The following MARCHF1 variants were observed in gnomAD, a reference collection of about 807,000 sequenced individuals.
MARCHF1 encodes membrane associated ring-CH-type finger 1.
A neutral mutation model predicts 54.2 loss-of-function variants in MARCHF1; 40 were observed. That is an observed-to-expected ratio of 0.74 (90% CI 0.57 to 0.96). The LOEUF is 0.96. Ranked by LOEUF, MARCHF1 falls within the 40% of genes least tolerant of loss-of-function variation. The pLI is 0.00. For missense variants in MARCHF1, 586 were observed against 656.5 expected, an observed-to-expected ratio of 0.89 and a Z score of 1.17; for synonymous variants, 236 against 236.3, an observed-to-expected ratio of 1.00 and a Z score of 0.01.
intron 8 of MARCHF1, 131 bp from the exon 9 acceptor site, chr4:163,545,874 T>C (rs1343111221): frequency 1.4e-6 from 1 of 739,608 alleles, no homozygotes; most frequent in Non-Finnish European, 2.3e-6. Flanking sequence ...GACACTGTAA[T>C]ATTCAAATAA....
intron 1 of MARCHF1, among the ~76,000 whole-genome samples, chr4:164,311,384 G>C (rs982392054): frequency 2.6e-5 from 4 of 152,134 alleles, no homozygotes; most frequent in Non-Finnish European, 5.9e-5. Flanking sequence ...ACTGGGTTTA[G>C]TTCCAAAATG....
At chr4:163,647,967 G>GT (rs1043717917) in intron 5 of MARCHF1, among the ~76,000 whole-genome samples, 4 of 151,304 alleles carry the variant, frequency 2.6e-5, no homozygotes, top group African/African-American at 7.3e-5. Flanking sequence ...TGAAGAGTTG[G>GT]TTTTTTAAAA....
chr4:163,847,748 C>A (rs12503576), intron 4 of MARCHF1, among the ~76,000 whole-genome samples: 124,293 of 151,380 alleles, frequency 0.82, 52,633 homozygotes, highest in Non-Finnish European at 0.95. Context: ...GCCTGGCTAA[C>A]TTTTTGTATT....
chr4:163,831,732 C>T (rs887074307), intron 4 of MARCHF1, among the ~76,000 whole-genome samples: 20 of 152,152 alleles, frequency 1.3e-4, no homozygotes, highest in Non-Finnish European at 1.5e-5. Flanking sequence ...CAATTCATGA[C>T]AACATTGGAA....
At chr4:164,370,957 T>C (rs993360333) in intron 1 of MARCHF1, among the ~76,000 whole-genome samples, 1 of 151,858 alleles carries the variant, frequency 6.6e-6, no homozygotes, top group Admixed American at 6.6e-5. Flanking sequence ...GACTCTAATA[T>C]GGCAAAGTTT....
intron 2 of MARCHF1, among the ~76,000 whole-genome samples, chr4:164,030,045 T>C (rs1753845777): frequency 6.6e-6 from 1 of 152,180 alleles, no homozygotes; most frequent in African/African-American, 2.4e-5. Context: ...GAAAACCAAT[T>C]AGCGGACAGC....
rs371053598 is a variant in MARCHF1, at chr4:164,247,545, C to T, written c.-322-135883G>A. Among the ~76,000 whole-genome samples the T allele has an allele frequency of 5.5e-5, 8 of 146,046 alleles. No homozygotes were observed. The East Asian group carries it at 6.1e-4, about 11-fold the overall frequency. On this transcript the variant is annotated intron_variant, in intron 1 of 9. Coordinates refer to ENST00000514618, the MANE Select transcript of MARCHF1 (RefSeq NM_001394959.1). The stretch of plus-strand genomic sequence containing the variant: ...GTGGGTGCAGTGCACCAGCATGGCA[C>T]ATGTATACATATGTAACTAACATGC...
At chr4:164,223,557 A>G (rs1013944408) in intron 1 of MARCHF1, among the ~76,000 whole-genome samples, 2 of 151,992 alleles carry the variant, frequency 1.3e-5, no homozygotes, top group African/African-American at 4.8e-5. Context: ...TAGTCAGAAG[A>G]TCCAAAGAGA....
chr4:163,737,248 G>T, intron 4 of MARCHF1, among the ~76,000 whole-genome samples: 2 of 59,078 alleles, frequency 3.4e-5, no homozygotes, highest in Non-Finnish European at 5.3e-5. Flanking sequence ...TAAGTTTTAG[G>T]GTACATGTGC....
intron 4 of MARCHF1, among the ~76,000 whole-genome samples, chr4:163,813,708 T>C (rs2111020774): frequency 6.6e-6 from 1 of 152,200 alleles, no homozygotes; most frequent in East Asian, 1.9e-4. Flanking sequence ...CTATACATCC[T>C]AGACACCAGT....
At position 163,854,112 on chromosome 4, in the gene MARCHF1, G is replaced by A. The variant is rs1334059476; in HGVS notation, c.20C>T (p.Ala7Val). MLGWCE[A>V]IARNPHRIPN... ...AATTCTGTGAGGGTTACGGGCTATC[G>A]CTTCACACCAGCCCAGCATTTTCTC... The change falls in exon 4 of 10, where the codon GCG (alanine) becomes GTG (valine). Residue 7 changes from alanine (A) to valine (V), a missense_variant. Physicochemically the swap from Ala to Val is moderately conservative, Grantham distance 64. Coordinates refer to ENST00000514618, the MANE Select transcript of MARCHF1 (RefSeq NM_001394959.1). 2.3e-5 allele frequency: 35 copies of A among 1,535,998 alleles called. No individual in the cohort carries two copies. The highest frequency in any genetic ancestry group is 3.6e-5 in the South Asian group (3 of 83,998).
chr4:163,801,724 C>G (rs763259301), intron 4 of MARCHF1, among the ~76,000 whole-genome samples: 1 of 152,076 alleles, frequency 6.6e-6, no homozygotes. Flanking sequence ...ACTTCCATCA[C>G]CTTCCGTTAA....
chr4:164,151,010 G>C lies in MARCHF1; in HGVS notation c.-322-39348C>G, dbSNP rs1287093535. On this transcript the variant is annotated intron_variant, in intron 1 of 9. Coordinates refer to ENST00000514618, the MANE Select transcript of MARCHF1 (RefSeq NM_001394959.1). ...GTCTCGACTGGCCATTGCTGGCTTG[G>C]AAGATGAAAGAAAATCACAGTCAAG... Among the ~76,000 whole-genome samples, 4 of 152,126 alleles carry C rather than the reference G, an allele frequency of 2.6e-5. No homozygotes were observed. In the East Asian group the frequency reaches 7.7e-4, roughly 29 times the overall value.
intron 3 of MARCHF1, among the ~76,000 whole-genome samples, chr4:163,970,151 T>G (rs1353468982): frequency 2.6e-5 from 4 of 152,194 alleles, no homozygotes; most frequent in African/African-American, 7.2e-5. Flanking sequence ...TGACATTTCT[T>G]TATAGTGTTA....
intron 5 of MARCHF1, among the ~76,000 whole-genome samples, chr4:163,614,669 TC>T (rs969632990): frequency 8.0e-4 from 122 of 152,084 alleles, no homozygotes; most frequent in African/African-American, 2.8e-3. Flanking sequence ...TAAATAATGG[TC>T]CCCCCAAATA....
At chr4:164,275,572 G>T (rs1198018520) in intron 1 of MARCHF1, among the ~76,000 whole-genome samples, 1 of 152,226 alleles carries the variant, frequency 6.6e-6, no homozygotes, top group Non-Finnish European at 1.5e-5. Context: ...AAATAACTGA[G>T]AAGTGAGAAG....
At chr4:163,591,796 A>G (rs1357254720) in intron 7 of MARCHF1, among the ~76,000 whole-genome samples, 3 of 152,150 alleles carry the variant, frequency 2.0e-5, no homozygotes, top group African/African-American at 7.2e-5. Context: ...ATCCTTTTAT[A>G]TACCATGAAC....
chr4:164,118,487 C>A (rs1469145368), intron 1 of MARCHF1, among the ~76,000 whole-genome samples: 1 of 150,086 alleles, frequency 6.7e-6, no homozygotes, highest in Non-Finnish European at 1.5e-5. Context: ...AAAAGAAATA[C>A]AAAATAGAAC....
intron 3 of MARCHF1, among the ~76,000 whole-genome samples, chr4:163,975,182 T>TCACACACA (rs1337027396): frequency 7.2e-6 from 1 of 139,302 alleles, no homozygotes; most frequent in African/African-American, 3.1e-5. Flanking sequence ...TCTCTCTCTC[T>TCACACACA]CTCTCTCTCT....
Sources: gnomAD v4.1 joint callset for allele counts (sites outside exome capture counted in the v4.1 genomes callset) on GRCh38, gnomAD v4.1.1 for gene constraint, MANE v1.5 for transcripts, NCBI Gene and HGNC (gene_info 2026-07-23, HGNC 2026-07-21) for gene names.